ADORA2B: variants seen among roughly 807,000 people sequenced by gnomAD.
ADORA2B encodes the protein adenosine receptor A2b.
In ADORA2B, 18 loss-of-function variants were observed where a neutral mutation model predicts 20.8. That is an observed-to-expected ratio of 0.87 (90% CI 0.60 to 1.29). The LOEUF is 1.29. Among genes scored for constraint, ADORA2B ranks in the 50% most tolerant of loss-of-function variants. The pLI, the probability that ADORA2B is intolerant of heterozygous loss-of-function variation, is 0.00. For synonymous variants in ADORA2B, 179 were observed against 178.3 expected (o/e 1.00, Z -0.03); for missense variants, 441 against 422.7 (o/e 1.04, Z -0.38).
upstream of ADORA2B, among the ~76,000 whole-genome samples, chr17:15,944,566 C>T (rs958796623): frequency 5.3e-5 from 8 of 152,034 alleles, no homozygotes; most frequent in East Asian, 9.7e-4. This position sits in a 1 kb window ranked among gnomAD's most constrained non-coding sequence, Gnocchi z 4.8. Context: ...GGGAGGCGGC[C>T]GGAGGGGGCT....
the ADORA2B span, among the ~76,000 whole-genome samples, chr17:15,887,475 T>C: frequency 7.7e-6 from 1 of 130,582 alleles, no homozygotes; most frequent in East Asian, 2.1e-4. Context: ...GAAGGCAGGT[T>C]GCCCTGCCTG....
At chr17:15,966,168 CTAGA>C (rs751984907) in intron 1 of ADORA2B, among the ~76,000 whole-genome samples, 8 of 152,196 alleles carry the variant, frequency 5.3e-5, no homozygotes, top group South Asian at 4.1e-4. Context: ...AGCTTGTGAG[CTAGA>C]TAGACTATAA....
At chr17:15,858,812 C>T in the ADORA2B span, 1 of 157,064 alleles carries the variant, frequency 6.4e-6, no homozygotes, top group South Asian at 1.8e-4. Context: ...TGACCTTCCC[C>T]TTACAGGTAA....
intron 1 of ADORA2B, among the ~76,000 whole-genome samples, chr17:15,972,992 C>A (rs1970206725): frequency 1.3e-5 from 2 of 152,186 alleles, no homozygotes; most frequent in African/African-American, 4.8e-5. Flanking sequence ...AACTTGTGAT[C>A]TAATGGCTTG....
chr17:15,954,121 G>A (rs1222375628), intron 1 of ADORA2B, among the ~76,000 whole-genome samples: 1 of 152,038 alleles, frequency 6.6e-6, no homozygotes, highest in Non-Finnish European at 1.5e-5. Context: ...TGGGATTACA[G>A]GCACGTGCCA....
the ADORA2B span, among the ~76,000 whole-genome samples, chr17:15,858,400 G>A: frequency 3.9e-5 from 6 of 152,160 alleles, no homozygotes; most frequent in African/African-American, 1.4e-4. Flanking sequence ...AAAATAGAGT[G>A]CTTTTACACA....
chr17:15,925,034 T>A, the ADORA2B span, among the ~76,000 whole-genome samples: 6 of 151,394 alleles, frequency 4.0e-5, no homozygotes, highest in African/African-American at 1.5e-4. Context: ...CCACCACACC[T>A]GGTTATTTTA....
At chr17:15,883,980 C>G in the ADORA2B span, among the ~76,000 whole-genome samples, 1 of 152,172 alleles carries the variant, frequency 6.6e-6, no homozygotes, top group African/African-American at 2.4e-5. Flanking sequence ...ACCACAATCC[C>G]ATGAGTCAGG....
At chr17:15,853,592 AG>A in the ADORA2B span, among the ~76,000 whole-genome samples, 14 of 152,262 alleles carry the variant, frequency 9.2e-5, no homozygotes, top group Non-Finnish European at 2.1e-4. Context: ...TCAAAATCTT[AG>A]AAAAACATCA....
chr17:15,957,998 G>A (rs1377068098), intron 1 of ADORA2B, among the ~76,000 whole-genome samples: 1 of 151,550 alleles, frequency 6.6e-6, no homozygotes, highest in African/African-American at 2.4e-5. Flanking sequence ...TGTAGAACCA[G>A]GACCTGTCAG....
upstream of ADORA2B, chr17:15,944,910 G>A: frequency 5.5e-6 from 1 of 181,354 alleles, no homozygotes; most frequent in Non-Finnish European, 1.1e-5. This position sits in a 1 kb window ranked among gnomAD's most constrained non-coding sequence, Gnocchi z 4.8. Flanking sequence ...AGCGTGACGG[G>A]AAGTTGGGGC....
At chr17:15,918,681 A>T in the ADORA2B span, among the ~76,000 whole-genome samples, 3 of 152,146 alleles carry the variant, frequency 2.0e-5, no homozygotes, top group African/African-American at 7.2e-5. Flanking sequence ...CATGTTGGCC[A>T]GGCTGGTCTC....
the ADORA2B span, among the ~76,000 whole-genome samples, chr17:15,890,043 A>G: frequency 4.3e-3 from 562 of 130,024 alleles, 159 homozygotes; most frequent in African/African-American, 0.018. Context: ...CCTAGATGTG[A>G]TATTACTGGG....
the ADORA2B span, among the ~76,000 whole-genome samples, chr17:15,931,728 A>C: frequency 6.6e-6 from 1 of 151,560 alleles, no homozygotes; most frequent in Admixed American, 6.6e-5. Flanking sequence ...AAATTGGATT[A>C]TTTGTCTTTT....
the ADORA2B span, among the ~76,000 whole-genome samples, chr17:15,879,692 C>G: frequency 1.4e-4 from 21 of 149,018 alleles, no homozygotes; most frequent in Admixed American, 1.4e-3. Context: ...CGCCCACCAC[C>G]ACGCCCGGCT....
the ADORA2B span, among the ~76,000 whole-genome samples, chr17:15,855,131 A>G: frequency 6.6e-6 from 1 of 151,600 alleles, no homozygotes; most frequent in South Asian, 2.1e-4. Context: ...GGATTTTACC[A>G]TGTTGGCCAG....
At chr17:15,862,191 T>TTTTTCTTTTC in the ADORA2B span, among the ~76,000 whole-genome samples, 1 of 140,854 alleles carries the variant, frequency 7.1e-6, no homozygotes. Flanking sequence ...TTTTTTTTTC[T>TTTTTCTTTTC]TTTTCTTTTC....
At chr17:15,963,042 T>A (rs1451563371) in intron 1 of ADORA2B, among the ~76,000 whole-genome samples, 1 of 152,186 alleles carries the variant, frequency 6.6e-6, no homozygotes, top group Non-Finnish European at 1.5e-5. Flanking sequence ...TTTGGGTAGA[T>A]TTGCTCAGTG....
the ADORA2B span, among the ~76,000 whole-genome samples, chr17:15,909,407 T>G: frequency 2.5e-4 from 38 of 152,336 alleles, no homozygotes; most frequent in East Asian, 6.9e-3. Flanking sequence ...TTAGCTCTCA[T>G]AGTCCTTTAT....
Sources: allele counts gnomAD v4.1 joint callset (sites outside exome capture counted in the v4.1 genomes callset), GRCh38; gene constraint gnomAD v4.1.1; non-coding constraint Gnocchi (gnomAD v3.1); transcripts MANE v1.5; gene names NCBI Gene and HGNC (gene_info 2026-07-23, HGNC 2026-07-21).